The following PIK3CB variants were observed in gnomAD, a reference collection of about 807,000 sequenced individuals.
The protein encoded by PIK3CB is phosphatidylinositol-4,5-bisphosphate 3-kinase catalytic subunit beta, also known as phosphatidylinositol 4,5-bisphosphate 3-kinase catalytic subunit beta isoform.
PIK3CB carries 39 observed loss-of-function variants against 136.8 expected under a neutral mutation model. The observed-to-expected ratio is 0.29, with a 90% CI of 0.22 to 0.37. The LOEUF (loss-of-function observed/expected upper bound fraction) is 0.37, where lower values mean the gene tolerates loss of function less well. Among genes scored for constraint, PIK3CB ranks in the 10% least tolerant of loss-of-function variants. PIK3CB has a pLI of 1.00. For synonymous variants in PIK3CB, 428 were observed against 436.6 expected, an observed-to-expected ratio of 0.98 and a Z score of 0.25; for missense variants, 868 against 1,275.4, an observed-to-expected ratio of 0.68 and a Z score of 4.87.
At chr3:138,673,131 T>C (rs2043571568) in intron 19 of PIK3CB, among the ~76,000 whole-genome samples, 2 of 151,668 alleles carry the variant, frequency 1.3e-5, no homozygotes, top group South Asian at 4.2e-4. Context: ...GTTATAATGA[T>C]AAGATATGAA....
At chr3:138,735,109 C>T (rs2108646535) in intron 6 of PIK3CB, among the ~76,000 whole-genome samples, 1 of 151,856 alleles carries the variant, frequency 6.6e-6, no homozygotes, top group African/African-American at 2.4e-5. Context: ...CCACCATGCC[C>T]AGCCAATTTT....
chr3:138,750,603 A>T (rs2045452643), intron 4 of PIK3CB, among the ~76,000 whole-genome samples: 1 of 152,218 alleles, frequency 6.6e-6, no homozygotes, highest in South Asian at 2.1e-4. Flanking sequence ...CTAACCAGCA[A>T]CAGGGAGCAG....
In PIK3CB at chr3:138,781,305, A is replaced by C. The variant is rs557058912; in HGVS notation, c.-17+15158T>G. Reference sequence around the variant, plus strand: ...AGATCTTATCTCAAAAAAAAAAAAAACAACAAAAAACGAAAATGAAACTTC... The same window carrying C: ...AGATCTTATCTCAAAAAAAAAAAAACCAACAAAAAACGAAAATGAAACTTC... On this transcript the variant is annotated intron_variant, in intron 2 of 23. Coordinates refer to ENST00000674063, the MANE Select transcript of PIK3CB (RefSeq NM_006219.3). 6.9e-4 allele frequency among the ~76,000 whole-genome samples: 104 copies of C among 151,440 alleles called. 1 individual carries two copies. The highest frequency in any genetic ancestry group is 4.8e-3 in the South Asian group (23 of 4,802).
chr3:138,772,344 C>T (rs758585549), intron 2 of PIK3CB, among the ~76,000 whole-genome samples: 10 of 152,180 alleles, frequency 6.6e-5, no homozygotes, highest in Non-Finnish European at 1.0e-4. Flanking sequence ...TGATGGCATA[C>T]AGTTTATACA....
At chr3:138,656,684 C>T (rs1287711854) in intron 22 of PIK3CB, among the ~76,000 whole-genome samples, 1 of 152,114 alleles carries the variant, frequency 6.6e-6, no homozygotes, top group Non-Finnish European at 1.5e-5. Flanking sequence ...TTTTAAAAGT[C>T]CCCTCAATCA....
intron 8 of PIK3CB, 127 bp from the exon 9 acceptor site, chr3:138,714,846 T>C (rs1360826305): frequency 1.1e-6 from 1 of 875,570 alleles, no homozygotes; most frequent in African/African-American, 1.7e-5. Context: ...AGGAACATAC[T>C]GGAAGAAGAA....
At chr3:138,749,918 G>C (rs1338427774) in intron 4 of PIK3CB, among the ~76,000 whole-genome samples, 1 of 152,160 alleles carries the variant, frequency 6.6e-6, no homozygotes, top group Non-Finnish European at 1.5e-5. Context: ...CTGTCGCCCA[G>C]GCTGGAGTGC....
intron 9 of PIK3CB, among the ~76,000 whole-genome samples, chr3:138,713,641 A>G (rs2108580891): frequency 6.6e-6 from 1 of 152,306 alleles, no homozygotes; most frequent in East Asian, 1.9e-4. Flanking sequence ...ATTGCACTCC[A>G]TCCCAGGTGA....
intron 11 of PIK3CB, among the ~76,000 whole-genome samples, chr3:138,705,172 AAC>A (rs1234739326): frequency 9.1e-5 from 8 of 87,512 alleles, no homozygotes; most frequent in East Asian, 1.0e-3. Context: ...AAAAAAAAAA[AAC>A]AAAAAACAAA....
chr3:138,823,572 G>A (rs771685743), intron 1 of PIK3CB, among the ~76,000 whole-genome samples: 17 of 152,022 alleles, frequency 1.1e-4, no homozygotes, highest in African/African-American at 1.9e-4. Context: ...GCGTGGTGGC[G>A]CATGCCTGTA....
chr3:138,702,777 C>T (rs1329622730), intron 12 of PIK3CB, among the ~76,000 whole-genome samples: 1 of 152,162 alleles, frequency 6.6e-6, no homozygotes, highest in Admixed American at 6.6e-5. Context: ...CACAAACACA[C>T]ATTTTTTTAC....
intron 1 of PIK3CB, among the ~76,000 whole-genome samples, chr3:138,822,535 CA>C (rs1933602477): frequency 6.6e-6 from 1 of 151,398 alleles, no homozygotes; most frequent in Non-Finnish European, 1.5e-5. Flanking sequence ...GACCCCGTCT[CA>C]AAAATAAAAG....
chr3:138,831,383 A>C (rs1050939193), intron 1 of PIK3CB, among the ~76,000 whole-genome samples: 2 of 151,498 alleles, frequency 1.3e-5, no homozygotes, highest in African/African-American at 4.8e-5. Flanking sequence ...ACCTGAGGTC[A>C]GGAGTTCAAG....
In PIK3CB at chr3:138,717,962, T is replaced by A. The variant is rs186930847; in HGVS notation, c.1051-3243A>T. ...GATGGGCATTTAGGTTAATTCCACA[T>A]CTTTGCAATTGTGAATAGTGCTGCA... On this transcript the variant is annotated intron_variant, in intron 8 of 23. Coordinates refer to ENST00000674063, the MANE Select transcript of PIK3CB (RefSeq NM_006219.3). Among the ~76,000 whole-genome samples the A allele has an allele frequency of 3.3e-4, 50 of 152,354 alleles. No individual in the cohort carries two copies. The East Asian group carries it at 3.5e-3, about 11-fold the overall frequency.
At chr3:138,815,547 A>G (rs76232337) in intron 1 of PIK3CB, among the ~76,000 whole-genome samples, 2,214 of 152,090 alleles carry the variant, frequency 0.015, 50 homozygotes, top group Middle Eastern at 0.048. Flanking sequence ...GTCCTGAAAA[A>G]AGAATAAAGC....
At chr3:138,808,734 TTC>T (rs111932280) in intron 1 of PIK3CB, among the ~76,000 whole-genome samples, 11 of 150,218 alleles carry the variant, frequency 7.3e-5, no homozygotes, top group Admixed American at 2.0e-4. Flanking sequence ...CTCTCTCCTT[TTC>T]TCTCTCTCTC....
At chr3:138,670,695 T>C (rs1220683066) in intron 19 of PIK3CB, among the ~76,000 whole-genome samples, 1 of 152,202 alleles carries the variant, frequency 6.6e-6, no homozygotes, top group African/African-American at 2.4e-5. Context: ...CTCTTATCTA[T>C]GCAGTATACC....
chr3:138,752,707 T>C (rs2045495194), intron 4 of PIK3CB, among the ~76,000 whole-genome samples: 1 of 149,550 alleles, frequency 6.7e-6, no homozygotes, highest in African/African-American at 2.5e-5. Context: ...AGACCTCGTC[T>C]CAACAGAAAA....
At chr3:138,667,057 A>G (rs1329746726) in intron 19 of PIK3CB, among the ~76,000 whole-genome samples, 1 of 151,906 alleles carries the variant, frequency 6.6e-6, no homozygotes, top group Non-Finnish European at 1.5e-5. Context: ...AAAAATACAA[A>G]AATTAGCTGG....
Sources: allele counts gnomAD v4.1 joint callset (sites outside exome capture counted in the v4.1 genomes callset), GRCh38; gene constraint gnomAD v4.1.1; transcripts MANE v1.5; gene names NCBI Gene and HGNC (gene_info 2026-07-23, HGNC 2026-07-21).